METTL3: variants seen among roughly 807,000 people sequenced by gnomAD.
The protein encoded by METTL3 is N(6)-adenosine-methyltransferase catalytic subunit METTL3.
Under a neutral mutation model 64.3 loss-of-function variants are expected in METTL3, and 42 were observed. That is an observed-to-expected ratio of 0.65 (90% CI 0.51 to 0.84). The LOEUF is 0.84. Ranked by LOEUF, METTL3 falls within the 40% of genes least tolerant of loss-of-function variation. METTL3 has a pLI of 0.00. For synonymous variants in METTL3, 256 were observed against 263.6 expected (o/e 0.97, Z 0.28); for missense variants, 435 against 722.3 (o/e 0.60, Z 4.56).
At chr14:21,503,023 A>G in intron 3 of METTL3, 150 bp downstream of exon 3, 1 of 872,558 alleles carries the variant, frequency 1.1e-6, no homozygotes, top group Non-Finnish European at 1.8e-6. Context: ...GTCTCCGGAC[A>G]TTACCAGATC....
Position 21,508,896 on chromosome 14 carries a change from AAAAT to A in METTL3, c.100+2224_100+2227del, listed in dbSNP as rs553784596. On this transcript the variant is annotated intron_variant, in intron 1 of 10. Coordinates refer to ENST00000298717, the MANE Select transcript of METTL3 (RefSeq NM_019852.5). Reference sequence around the variant, plus strand: ...GCAACAAGAGCGAAACTCCATCTCAAAAATAAATAAATAAGTATGATGAGGAACA... The same window carrying A: ...GCAACAAGAGCGAAACTCCATCTCAAAAATAAATAAGTATGATGAGGAACA... 5.4e-4 allele frequency among the ~76,000 whole-genome samples: 83 copies of A among 152,330 alleles called. No individual in the cohort carries two copies. The South Asian group carries it at 9.5e-3, about 18-fold the overall frequency.
chr14:21,505,418 C>T (rs967221678), intron 1 of METTL3, among the ~76,000 whole-genome samples: 1 of 152,192 alleles, frequency 6.6e-6, no homozygotes, highest in African/African-American at 2.4e-5. Flanking sequence ...TAATACTGCT[C>T]ATTCCAATAT....
chr14:21,503,696 C>G lies in METTL3; in HGVS notation c.286G>C (p.Asp96His), dbSNP rs747013878. 1 of 1,614,226 alleles carries G rather than the reference C, an allele frequency of 6.2e-7. No homozygotes were observed. The change falls in exon 2 of 11, where the codon GAT (aspartate) becomes CAT (histidine). Residue 96 changes from aspartate to histidine, a missense_variant. Asp to His is a moderately conservative substitution (Grantham distance 81). Coordinates refer to ENST00000298717, the MANE Select transcript of METTL3 (RefSeq NM_019852.5). ...ATGGCAAGACAGATGGACACAGCAT[C>G]AGTGGGCAATGTTAAGGCCAGATCA... ...LSDLALTLPT[D>H]AVSICLAIST... is the part of the protein sequence containing the mutation.
At chr14:21,501,945 C>T in intron 3 of METTL3, 42 bp from the exon 4 acceptor site, 4 of 1,577,382 alleles carry the variant, frequency 2.5e-6, no homozygotes, top group Non-Finnish European at 3.5e-6. Flanking sequence ...TCTTATAGAT[C>T]AAATTGGCTC....
At chr14:21,501,498 T>TTC in intron 4 of METTL3, 1 of 594,180 alleles carries the variant, frequency 1.7e-6, no homozygotes, top group South Asian at 2.0e-5. Flanking sequence ...TACTTTGCTA[T>TTC]TCTAAGAGGG....
At chr14:21,502,503 CAT>C (rs1342708946) in intron 3 of METTL3, 2 of 153,816 alleles carry the variant, frequency 1.3e-5, no homozygotes, top group South Asian at 2.0e-4. Context: ...CTACAAAAAA[CAT>C]ATTTACTGGG....
chr14:21,498,214 A>G lies in METTL3; in HGVS notation c.*44T>C, dbSNP rs1265677615. On this transcript the variant is annotated 3_prime_UTR_variant, in exon 11 of 11. Transcript: ENST00000298717. ...AAATATCACTCTTCAGGTTTAGCTTACAGAGCCATGGCTATGGATTCTTAG... is the reference window on the plus strand; with the variant it reads ...AAATATCACTCTTCAGGTTTAGCTTGCAGAGCCATGGCTATGGATTCTTAG... The G allele has an allele frequency of 8.9e-7, 1 of 1,121,338 alleles. No homozygotes were observed. Among genetic ancestry groups the G allele is most frequent in the East Asian group, 2.3e-5 (1 of 42,660 alleles). 69.5% of individuals were successfully genotyped at this position (1,121,338 alleles called of 1,614,324 possible).
Position 21,503,383 on chromosome 14 carries a change from C to A in METTL3, c.513G>T (p.Gly171=). Residue 171 remains glycine, a synonymous_variant, in exon 3 of 11, where the codon GGG becomes GGT. Coordinates refer to ENST00000298717, the MANE Select transcript of METTL3 (RefSeq NM_019852.5). ...CACGCCGCTTCTGCCCTGTGACAGT[C>A]CCTGCTACCTCCCCAGGGCCCTTCT... The part of the protein sequence containing the change: ...AEKKGPGEVA[G]TVTGQKRRAE... 5 of 1,614,166 alleles carry A rather than the reference C, an allele frequency of 3.1e-6. No homozygotes were observed. The highest frequency in any genetic ancestry group is 4.2e-6 in the Non-Finnish European group (5 of 1,180,020).
rs1891613018 is a variant in METTL3 at position 21,503,209 on chromosome 14, C to G, written c.687G>C (p.Leu229=). The change falls in exon 3 of 11, where the codon CTG becomes CTC. Residue 229 remains leucine, a synonymous_variant. Transcript: ENST00000298717. ...GTTGTTCCTTAGTGGACTGTTGGTT[C>G]AGAAGGCTCTCTATCTCCAGATCAA... ...SDVDLEIESL[L]NQQSTKEQQS... is the part of the protein sequence containing the mutation. 6 of 1,613,652 alleles carry G rather than the reference C, an allele frequency of 3.7e-6. No homozygotes were observed. The African/African-American group carries it at 8.0e-5, about 22-fold the overall frequency.
At position 21,501,636 on chromosome 14, in the gene METTL3, TACAG is replaced by T. The variant is rs986438772; in HGVS notation, c.899+88_899+91del. 1.9e-5 allele frequency: 29 copies of T among 1,522,154 alleles called. No individual in the cohort carries two copies. In the African/African-American group the frequency reaches 3.4e-4, roughly 18 times the overall value. 94.3% of individuals were successfully genotyped at this position (1,522,154 alleles called of 1,614,324 possible). A position where few individuals can be genotyped will look rare whatever the true frequency, so the allele number is the denominator to read the frequency against. ...ACACAAACCATAAACTAAATAAGAT[TACAG>T]ACAGAACCCCAATGACTGGAAGGAA... On this transcript the variant is annotated intron_variant, in intron 4 of 10. Coordinates refer to ENST00000298717, the MANE Select transcript of METTL3 (RefSeq NM_019852.5).
In METTL3 at chr14:21,503,761, G is replaced by A; in HGVS notation, c.221C>T (p.Thr74Ile). 6.2e-7 allele frequency: 1 copy of A among 1,614,250 alleles called. No homozygotes were observed. Among genetic ancestry groups the A allele is most frequent in the South Asian group, 1.1e-5 (1 of 91,086 alleles). ...STASAVPELA[T>I]DPELEKKLLH... ...CAACTTCTTCTCTAACTCAGGATCT[G>A]TAGCTAATTCAGGAACTGCTGAAGC... The change falls in exon 2 of 11, where the codon ACA becomes ATA. Residue 74 changes from threonine (T) to isoleucine (I), a missense_variant. Transcript: ENST00000298717.
chr14:21,500,384 A>T, intron 6 of METTL3, 111 bp downstream of exon 6: 1 of 1,082,024 alleles, frequency 9.2e-7, no homozygotes, highest in Non-Finnish European at 1.4e-6. Flanking sequence ...AAAAAGACTA[A>T]ATCAGTCATA....
intron 6 of METTL3, 144 bp from the exon 7 acceptor site, chr14:21,499,946 A>T: frequency 1.3e-6 from 1 of 741,508 alleles, no homozygotes; most frequent in East Asian, 2.5e-5. Context: ...AGCATGGTGG[A>T]TCTAAGAACG....
At position 21,503,236 on chromosome 14, in the gene METTL3, A is replaced by G. The variant is rs1434147863; in HGVS notation, c.660T>C (p.Asp220=). ...AKKSRKHAAS[D]VDLEIESLLN... ...GAAGGCTCTCTATCTCCAGATCAAC[A>G]TCTGAGGCAGCATGTTTCCTTGATT... is the stretch of plus-strand genomic sequence containing the variant. Residue 220 remains aspartate (D), a synonymous_variant, in exon 3 of 11, where the codon GAT becomes GAC. Coordinates refer to ENST00000298717, the MANE Select transcript of METTL3 (RefSeq NM_019852.5). The G allele has an allele frequency of 6.2e-7, 1 of 1,614,212 alleles. No homozygotes were observed. Among genetic ancestry groups the G allele is most frequent in the Admixed American group, 1.7e-5 (1 of 60,024 alleles).
chr14:21,508,781 C>G (rs963614760), intron 1 of METTL3, among the ~76,000 whole-genome samples: 2 of 152,176 alleles, frequency 1.3e-5, no homozygotes, highest in African/African-American at 4.8e-5. Flanking sequence ...GTAATCCCAG[C>G]TACTCAGGAA....
chr14:21,500,983 G>C lies in METTL3; in HGVS notation c.1046C>G (p.Pro349Arg), dbSNP rs1891555432. The C allele has an allele frequency of 4.3e-6, 7 of 1,614,146 alleles. No individual in the cohort carries two copies. The East Asian group carries it at 1.3e-4, about 31-fold the overall frequency. Residue 349 changes from proline to arginine, a missense_variant, in exon 5 of 11, where the codon CCA (proline) becomes CGA (arginine). This residue lies in a region of METTL3 where 67 missense variants were observed against 71.5 expected (regional missense o/e 0.94). Coordinates refer to ENST00000298717, the MANE Select transcript of METTL3 (RefSeq NM_019852.5). ...SEAPGSKDHTPSQELALTQSV... is the reference protein window; with the variant it reads ...SEAPGSKDHTRSQELALTQSV... ...CTGTGTAAGAGCAAGCTCCTGGCTTGGCGTGTGGTCTTTGCTGCCAGGGGC... is the reference window on the plus strand; with the variant it reads ...CTGTGTAAGAGCAAGCTCCTGGCTTCGCGTGTGGTCTTTGCTGCCAGGGGC...
intron 1 of METTL3, 31 bp from the exon 2 acceptor site, chr14:21,503,912 A>G: frequency 6.3e-7 from 1 of 1,595,338 alleles, no homozygotes; most frequent in Non-Finnish European, 8.6e-7. Context: ...AAATGAAAAA[A>G]GGCAACCACT....
intron 1 of METTL3, among the ~76,000 whole-genome samples, chr14:21,509,966 T>C (rs1022555030): frequency 6.6e-6 from 1 of 152,202 alleles, no homozygotes; most frequent in Non-Finnish European, 1.5e-5. Context: ...TCTTTAATTA[T>C]CTAGGTCCTA....
intron 1 of METTL3, 46 bp downstream of exon 1, chr14:21,511,078 C>T (rs2139653543): frequency 1.9e-6 from 3 of 1,601,034 alleles, no homozygotes; most frequent in Non-Finnish European, 2.6e-6. Flanking sequence ...GGGATCCCGC[C>T]CGTCCTCCCC....
Sources: gnomAD v4.1 joint callset for allele counts (sites outside exome capture counted in the v4.1 genomes callset) on GRCh38, gnomAD v4.1.1 for gene constraint, gnomAD v4.1.1 regional missense constraint, MANE v1.5 for transcripts, NCBI Gene and HGNC (gene_info 2026-07-23, HGNC 2026-07-21) for gene names.